Variants in RAP1B observed in about 807,000 individuals in gnomAD.
RAP1B encodes the protein RAP1B, member of RAS oncogene family, also known as ras-related protein Rap-1b.
A neutral mutation model predicts 27.5 loss-of-function variants in RAP1B; 1 was observed. That is an observed-to-expected ratio of 0.04 (90% CI 0.01 to 0.17). The LOEUF (loss-of-function observed/expected upper bound fraction) is 0.17. RAP1B is among the 10% of genes least tolerant of loss of function. The pLI, the probability that RAP1B is intolerant of heterozygous loss-of-function variation, is 1.00. For missense variants in RAP1B, 84 were observed against 214.8 expected, an observed-to-expected ratio of 0.39 and a Z score of 3.81; for synonymous variants, 75 against 73.1, an observed-to-expected ratio of 1.03 and a Z score of -0.13.
At chr12:68,640,957 G>C (rs118054827) in intron 1 of RAP1B, 1 of 152,166 alleles carries the variant, frequency 6.6e-6, no homozygotes, top group South Asian at 2.1e-4. Context: ...ATAATCTCCG[G>C]TTAATGAAAT....
chr12:68,635,087 T>C (rs913607602), intron 1 of RAP1B, among the ~76,000 whole-genome samples: 1 of 152,192 alleles, frequency 6.6e-6, no homozygotes, highest in Non-Finnish European at 1.5e-5. Context: ...GTGTCCTCAT[T>C]ATGAGAGAGG....
chr12:68,628,905 C>T (rs1175892498), intron 1 of RAP1B, among the ~76,000 whole-genome samples: 2 of 152,218 alleles, frequency 1.3e-5, no homozygotes, highest in African/African-American at 4.8e-5. Context: ...TTGGACAGCA[C>T]TAGTCTGGAT....
intron 1 of RAP1B, among the ~76,000 whole-genome samples, chr12:68,627,839 C>T (rs972635661): frequency 6.6e-6 from 1 of 152,092 alleles, no homozygotes; most frequent in Admixed American, 6.5e-5. Flanking sequence ...TGACTCATTC[C>T]TGAAATCCCA....
chr12:68,630,007 C>T (rs1434072596), intron 1 of RAP1B, among the ~76,000 whole-genome samples: 1 of 152,224 alleles, frequency 6.6e-6, no homozygotes, highest in Non-Finnish European at 1.5e-5. Context: ...AACCCTGTCT[C>T]TCCTTCACTT....
At position 68,659,393 on chromosome 12, in the gene RAP1B, T is replaced by G. The variant is rs540922159; in HGVS notation, c.*144T>G. On this transcript the variant is annotated 3_prime_UTR_variant, in exon 8 of 8. Coordinates refer to ENST00000250559, the MANE Select transcript of RAP1B (RefSeq NM_001010942.3). ...TACCCTTTAAGAGGCGGATGAAAGC[T>G]ACTATATCAGTTTGCACATTCTAAT... 2.1e-5 allele frequency: 9 copies of G among 423,702 alleles called. No homozygotes were observed. Among genetic ancestry groups the G allele is most frequent in the South Asian group, 1.2e-4 (7 of 59,056 alleles). The allele number at this position is 423,702 out of a possible 1,614,324, so 26.2% of individuals were successfully genotyped here. A position where few individuals can be genotyped will look rare whatever the true frequency, so the allele number is the denominator to read the frequency against.
chr12:68,648,075 A>G (rs1347457705), intron 1 of RAP1B: 1 of 152,162 alleles, frequency 6.6e-6, no homozygotes, highest in African/African-American at 2.4e-5. Context: ...ATATACTGAA[A>G]TTTTATAATG....
chr12:68,657,359 GCTAT>G (rs1874277534), intron 7 of RAP1B, 142 bp downstream of exon 7: 2 of 533,972 alleles, frequency 3.7e-6, no homozygotes. Context: ...GAGTTAGTAT[GCTAT>G]CTTATTAATT....
intron 1 of RAP1B, among the ~76,000 whole-genome samples, chr12:68,619,339 T>A (rs890904078): frequency 2.6e-5 from 4 of 152,216 alleles, no homozygotes; most frequent in African/African-American, 7.2e-5. Context: ...TAAGCAAAAA[T>A]TTTAGAAAGC....
chr12:68,648,178 G>C (rs1440230039), intron 1 of RAP1B: 2 of 153,216 alleles, frequency 1.3e-5, no homozygotes, highest in African/African-American at 4.8e-5. Flanking sequence ...GACGTTTTCA[G>C]TCTGGGAACT....
At chr12:68,627,856 T>C (rs1871924634) in intron 1 of RAP1B, among the ~76,000 whole-genome samples, 1 of 152,036 alleles carries the variant, frequency 6.6e-6, no homozygotes, top group South Asian at 2.1e-4. Context: ...CCCAACACTT[T>C]GGGAGGCCAA....
chr12:68,626,784 TG>T, intron 1 of RAP1B: 2 of 1,267,042 alleles, frequency 1.6e-6, no homozygotes, highest in Admixed American at 2.1e-5. Flanking sequence ...GTTTTTTTTT[TG>T]TTGTTTGTTT....
At chr12:68,632,679 G>C (rs1481233953) in intron 1 of RAP1B, among the ~76,000 whole-genome samples, 1 of 152,150 alleles carries the variant, frequency 6.6e-6, no homozygotes, top group Non-Finnish European at 1.5e-5. Context: ...CCCTGTAAAA[G>C]AATGTGGAGT....
rs765114916 is a variant in RAP1B, at chr12:68,669,078, A to G, written c.*9829A>G. The G allele has an allele frequency of 3.3e-5, 5 of 152,226 alleles. No homozygotes were observed. Among genetic ancestry groups the G allele is most frequent in the Non-Finnish European group, 7.3e-5 (5 of 68,028 alleles). 9.4% of individuals were successfully genotyped at this position (152,226 alleles called of 1,614,324 possible). A position where few individuals can be genotyped will look rare whatever the true frequency, so the allele number is the denominator to read the frequency against. Reference sequence around the variant, plus strand: ...CCTTGAAAGCTCAAAAAAATCTATTAGAAGTATTCAGGAACTTGGCTGGAT... The same window carrying G: ...CCTTGAAAGCTCAAAAAAATCTATTGGAAGTATTCAGGAACTTGGCTGGAT... On this transcript the variant is annotated 3_prime_UTR_variant, in exon 8 of 8. Transcript: ENST00000250559.
chr12:68,639,109 T>C (rs1487842756), intron 1 of RAP1B, among the ~76,000 whole-genome samples: 1 of 152,230 alleles, frequency 6.6e-6, no homozygotes, highest in East Asian at 1.9e-4. Context: ...AGAGCTCTTA[T>C]CTCTCAAATT....
rs755009720 is a variant in RAP1B at position 68,650,462 on chromosome 12, T to C, written c.120T>C (p.Tyr40=). 6.5e-6 allele frequency: 10 copies of C among 1,542,658 alleles called. No homozygotes were observed. Among genetic ancestry groups the C allele is most frequent in the African/African-American group, 2.8e-5 (2 of 71,722 alleles). ...ACGATCCTACGATAGAAGATTCTTA[T>C]AGAAAGGTATATATTACTTTGGAAG... ...EKYDPTIEDS[Y]RKQVEVDAQQ... is the part of the protein sequence containing the mutation. Residue 40 remains tyrosine (Y), a synonymous_variant, in exon 3 of 8, where the codon TAT becomes TAC. Coordinates refer to ENST00000250559, the MANE Select transcript of RAP1B (RefSeq NM_001010942.3).
chr12:68,612,304 T>C (rs1327400468), intron 1 of RAP1B, among the ~76,000 whole-genome samples: 1 of 152,228 alleles, frequency 6.6e-6, no homozygotes, highest in African/African-American at 2.4e-5. Flanking sequence ...CAAGACCTTA[T>C]CTTAACAAAA....
chr12:68,657,325 G>T, intron 7 of RAP1B, 108 bp downstream of exon 7: 2 of 656,232 alleles, frequency 3.0e-6, no homozygotes, highest in South Asian at 2.2e-5. Context: ...AAAAATAAAT[G>T]GTTTATTTTT....
At chr12:68,645,918 A>G (rs2135955126) in intron 1 of RAP1B, among the ~76,000 whole-genome samples, 1 of 152,370 alleles carries the variant, frequency 6.6e-6, no homozygotes, top group East Asian at 1.9e-4. Flanking sequence ...GAATGGGTAA[A>G]GAAAATATCA....
intron 1 of RAP1B, among the ~76,000 whole-genome samples, chr12:68,619,343 A>G (rs1261837014): frequency 6.6e-6 from 1 of 152,228 alleles, no homozygotes. Flanking sequence ...CAAAAATTTT[A>G]GAAAGCTTGT....
Sources: gnomAD v4.1 joint callset for allele counts (sites outside exome capture counted in the v4.1 genomes callset) on GRCh38, gnomAD v4.1.1 for gene constraint, MANE v1.5 for transcripts, NCBI Gene and HGNC (gene_info 2026-07-23, HGNC 2026-07-21) for gene names.